Variants in PTBP3 observed in about 807,000 individuals in gnomAD.
PTBP3 encodes polypyrimidine tract binding protein 3, also known as polypyrimidine tract-binding protein 3.
A neutral mutation model predicts 58.7 loss-of-function variants in PTBP3; 20 were observed. The observed-to-expected ratio is 0.34, with a 90% CI of 0.24 to 0.50. The LOEUF is 0.50. PTBP3 is among the 20% of genes least tolerant of loss of function. The probability of loss-of-function intolerance (pLI) is 0.98; values close to 1 mark genes in which losing one functional copy is unlikely to be tolerated. For synonymous variants in PTBP3, 185 were observed against 219.8 expected (o/e 0.84, Z 1.40); for missense variants, 509 against 637.2 (o/e 0.80, Z 2.17).
At chr9:112,334,476 T>C (rs375546604), upstream of PTBP3, among the ~76,000 whole-genome samples, 4 of 152,294 alleles carry the variant, frequency 2.6e-5, no homozygotes, top group African/African-American at 7.2e-5. Flanking sequence ...AAAAAGTATA[T>C]ATATAATATA....
At chr9:112,296,126 G>T (rs997820758) in intron 2 of PTBP3, among the ~76,000 whole-genome samples, 18 of 152,122 alleles carry the variant, frequency 1.2e-4, no homozygotes, top group Admixed American at 7.2e-4. Flanking sequence ...CTAAAAGATT[G>T]GACGCCCCTG....
intron 7 of PTBP3, among the ~76,000 whole-genome samples, chr9:112,245,476 A>G (rs1451053134): frequency 6.6e-6 from 1 of 152,204 alleles, no homozygotes; most frequent in East Asian, 1.9e-4. Context: ...GACAGGAATC[A>G]GGATTTTCAG....
At chr9:112,375,913 A>G in the PTBP3 span, among the ~76,000 whole-genome samples, 1 of 152,122 alleles carries the variant, frequency 6.6e-6, no homozygotes, top group Non-Finnish European at 1.5e-5. Flanking sequence ...TCTGCAGAAG[A>G]AGGCAGGGTC....
intron 2 of PTBP3, among the ~76,000 whole-genome samples, chr9:112,277,861 G>C (rs1827676705): frequency 6.6e-6 from 1 of 151,172 alleles, no homozygotes; most frequent in Non-Finnish European, 1.5e-5. Flanking sequence ...CTCAAATTTT[G>C]AGACTCTGTC....
chr9:112,290,697 T>TACACACACACACACACAC, intron 2 of PTBP3, among the ~76,000 whole-genome samples: 1 of 62,066 alleles, frequency 1.6e-5, no homozygotes, highest in East Asian at 5.7e-4. Flanking sequence ...AATATATATA[T>TACACACACACACACACAC]ATATATATAT....
At chr9:112,305,982 T>C (rs1829183535) in intron 1 of PTBP3, among the ~76,000 whole-genome samples, 1 of 152,020 alleles carries the variant, frequency 6.6e-6, no homozygotes, top group Admixed American at 6.6e-5. Flanking sequence ...AAGCTTTCAG[T>C]GACTTCTGTG....
chr9:112,254,531 G>A (rs1261020898), intron 5 of PTBP3, among the ~76,000 whole-genome samples: 4 of 152,058 alleles, frequency 2.6e-5, no homozygotes, highest in Non-Finnish European at 5.9e-5. Flanking sequence ...GCAACTCAAC[G>A]ACAATACAAA....
At chr9:112,267,167 TC>T (rs1376158273) in intron 4 of PTBP3, among the ~76,000 whole-genome samples, 1 of 147,538 alleles carries the variant, frequency 6.8e-6, no homozygotes, top group East Asian at 2.0e-4. Context: ...AAACCCACTT[TC>T]TTTTTTTTTT....
chr9:112,252,425 TAAACATGAC>T (rs924817676), intron 6 of PTBP3: 1 of 448,496 alleles, frequency 2.2e-6, no homozygotes, highest in African/African-American at 2.0e-5. Context: ...TTCTAGACTT[TAAACATGAC>T]AAACAGGACC....
intron 7 of PTBP3, among the ~76,000 whole-genome samples, chr9:112,245,816 T>C (rs989014330): frequency 6.6e-6 from 1 of 152,024 alleles, no homozygotes; most frequent in African/African-American, 2.4e-5. Flanking sequence ...TCAGGGGTAA[T>C]TTGAACATAA....
chr9:112,368,132 C>CT, the PTBP3 span, among the ~76,000 whole-genome samples: 2 of 152,142 alleles, frequency 1.3e-5, no homozygotes, highest in African/African-American at 4.8e-5. Flanking sequence ...GTAGCTGGGA[C>CT]TACAGGCATG....
At chr9:112,293,898 G>C in intron 2 of PTBP3, among the ~76,000 whole-genome samples, 1 of 152,162 alleles carries the variant, frequency 6.6e-6, no homozygotes, top group South Asian at 2.1e-4. Flanking sequence ...GTAAGCCCCT[G>C]ACTACTTACC....
At chr9:112,228,097 G>T (rs1349623851) in intron 11 of PTBP3, among the ~76,000 whole-genome samples, 1 of 152,090 alleles carries the variant, frequency 6.6e-6, no homozygotes, top group Non-Finnish European at 1.5e-5. Context: ...TTAAAAAAAT[G>T]AAATAAAACA....
chr9:112,251,454 C>T (rs1836113498), intron 6 of PTBP3, among the ~76,000 whole-genome samples: 1 of 152,096 alleles, frequency 6.6e-6, no homozygotes, highest in African/African-American at 2.4e-5. Flanking sequence ...TTTTAAGATA[C>T]TCTGATTTTA....
Position 112,271,665 on chromosome 9 carries a change from G to A in PTBP3, c.205-3470C>T, listed in dbSNP as rs141220674. Among the ~76,000 whole-genome samples, 254 of 152,212 alleles carry A rather than the reference G, an allele frequency of 1.7e-3. 1 individual carries two copies. Among genetic ancestry groups the A allele is most frequent in the South Asian group, 4.8e-3 (23 of 4,828 alleles). The stretch of plus-strand genomic sequence containing the variant: ...CACTTGAACCTGGGAGGCAGAAGTT[G>A]CAGTGAGGTCAAGATCACACCAGTG... On this transcript the variant is annotated intron_variant, in intron 3 of 13. Coordinates refer to ENST00000374257, the MANE Select transcript of PTBP3 (RefSeq NM_001163788.4).
intron 1 of PTBP3, among the ~76,000 whole-genome samples, chr9:112,306,138 T>C (rs960654243): frequency 4.6e-5 from 7 of 152,076 alleles, no homozygotes; most frequent in Admixed American, 3.9e-4. Context: ...TAAATAAATA[T>C]AACAAAATTA....
chr9:112,356,873 TC>T, the PTBP3 span, among the ~76,000 whole-genome samples: 4 of 85,002 alleles, frequency 4.7e-5, no homozygotes, highest in Non-Finnish European at 8.9e-5. Context: ...TTCATTTCCC[TC>T]TTTTTTTTTT....
the PTBP3 span, among the ~76,000 whole-genome samples, chr9:112,361,904 T>C: frequency 6.6e-6 from 1 of 152,218 alleles, no homozygotes; most frequent in Non-Finnish European, 1.5e-5. Flanking sequence ...CCGACACTTG[T>C]TACTTTCCTT....
At chr9:112,371,646 A>ATTTTTTTTTTTTTTTTTTTTT in the PTBP3 span, among the ~76,000 whole-genome samples, 3 of 127,544 alleles carry the variant, frequency 2.4e-5, no homozygotes, top group Non-Finnish European at 3.2e-5. Context: ...TTTTTAGTAG[A>ATTTTTTTTTTTTTTTTTTTTT]TTTTTTTTTT....
Sources: gnomAD v4.1 joint callset for allele counts (sites outside exome capture counted in the v4.1 genomes callset) on GRCh38, gnomAD v4.1.1 for gene constraint, MANE v1.5 for transcripts, NCBI Gene and HGNC (gene_info 2026-07-23, HGNC 2026-07-21) for gene names.